Variants in DDX19A observed in about 807,000 individuals in gnomAD.
DDX19A encodes the protein ATP-dependent RNA helicase DDX19A.
DDX19A carries 12 observed loss-of-function variants against 60.6 expected under a neutral mutation model. The observed-to-expected ratio is 0.20, with a 90% CI of 0.13 to 0.32. DDX19A has a LOEUF of 0.32. Among genes scored for constraint, DDX19A ranks in the 10% least tolerant of loss-of-function variants. The pLI is 1.00. For synonymous variants in DDX19A, 206 were observed against 218.2 expected, an observed-to-expected ratio of 0.94 and a Z score of 0.49; for missense variants, 337 against 600.6, an observed-to-expected ratio of 0.56 and a Z score of 4.59.
At chr16:70,367,641 G>A (rs958715289) in intron 9 of DDX19A, among the ~76,000 whole-genome samples, 1 of 152,190 alleles carries the variant, frequency 6.6e-6, no homozygotes, top group Non-Finnish European at 1.5e-5. Context: ...ACTTTGGCAG[G>A]CCGAGACAGG....
chr16:70,356,777 G>T, intron 4 of DDX19A: 1 of 797,168 alleles, frequency 1.3e-6, no homozygotes, highest in Non-Finnish European at 1.7e-6. Context: ...CTGTTCTCTT[G>T]GTAGGAATTT....
intron 7 of DDX19A, chr16:70,365,746 CTCTAG>C (rs1168164744): frequency 2.7e-5 from 10 of 372,626 alleles, no homozygotes; most frequent in Non-Finnish European, 5.1e-5. Context: ...TGTCACCGCA[CTCTAG>C]TCTGGGCAAC....
At chr16:70,347,184 C>A (rs753031907) in intron 1 of DDX19A, 136 bp downstream of exon 1, 11 of 826,422 alleles carry the variant, frequency 1.3e-5, no homozygotes, top group South Asian at 8.8e-5. Context: ...GTCACTTGCC[C>A]TTGATTTGCT....
chr16:70,356,907 GT>G (rs1195857789), intron 4 of DDX19A: 2 of 1,252,790 alleles, frequency 1.6e-6, no homozygotes, highest in Non-Finnish European at 2.1e-6. Flanking sequence ...TTCTGATTAG[GT>G]AAGCCCTTAA....
Position 70,364,994 on chromosome 16 carries a change from A to C in DDX19A, c.490-23A>C, listed in dbSNP as rs779811698. ...GTTACCAAATGGCTCTCCTAAACTCATCCTTTATGATTTTTCTGTCAGTGT... is the reference window on the plus strand; with the variant it reads ...GTTACCAAATGGCTCTCCTAAACTCCTCCTTTATGATTTTTCTGTCAGTGT... On this transcript the variant is annotated intron_variant, in intron 6 of 11. Coordinates refer to ENST00000302243, the MANE Select transcript of DDX19A (RefSeq NM_018332.5). 3 of 1,599,766 alleles carry C rather than the reference A, an allele frequency of 1.9e-6. No homozygotes were observed. The South Asian group carries it at 3.3e-5, about 18-fold the overall frequency.
Position 70,372,274 on chromosome 16 carries a change from A to G in DDX19A, c.*288A>G, listed in dbSNP as rs2047285896. ...GGTCACAGTGGTAGTCGCTGGCCCC[A>G]GGACCCCCTCCTGATTTTGGCTAGG... On this transcript the variant is annotated 3_prime_UTR_variant, in exon 12 of 12. Transcript: ENST00000302243. 1 of 503,804 alleles carries G rather than the reference A, an allele frequency of 2.0e-6. No homozygotes were observed. The highest frequency in any genetic ancestry group is 2.3e-5 in the South Asian group (1 of 44,238). The allele number at this position is 503,804 out of a possible 1,614,324, so 31.2% of individuals were successfully genotyped here.
chr16:70,357,380 T>TG (rs1964243338), intron 4 of DDX19A, among the ~76,000 whole-genome samples: 1 of 86,730 alleles, frequency 1.2e-5, no homozygotes, highest in Non-Finnish European at 2.3e-5. Flanking sequence ...TTTTTTTTTT[T>TG]TTTTTTTTTT....
chr16:70,369,296 C>G (rs987773684), intron 9 of DDX19A, among the ~76,000 whole-genome samples: 1 of 150,786 alleles, frequency 6.6e-6, no homozygotes, highest in African/African-American at 2.4e-5. Flanking sequence ...TCTCCTCCCT[C>G]GGCTTCCTGA....
chr16:70,358,266 A>G (rs1414742322), intron 4 of DDX19A, among the ~76,000 whole-genome samples: 1 of 151,982 alleles, frequency 6.6e-6, no homozygotes, highest in East Asian at 1.9e-4. Context: ...CCTGGCCTCA[A>G]GCGATCTGCC....
At chr16:70,368,271 T>C (rs1335859445) in intron 9 of DDX19A, among the ~76,000 whole-genome samples, 1 of 151,934 alleles carries the variant, frequency 6.6e-6, no homozygotes, top group Non-Finnish European at 1.5e-5. Flanking sequence ...GTGCCAAAAG[T>C]ATTCTTTTTT....
chr16:70,354,065 C>T (rs1047190218), intron 2 of DDX19A, among the ~76,000 whole-genome samples: 28 of 151,820 alleles, frequency 1.8e-4, no homozygotes, highest in Admixed American at 1.8e-3. Flanking sequence ...TGCTATGTTG[C>T]CCAGGCTGAC....
intron 6 of DDX19A, 50 bp from the exon 7 acceptor site, chr16:70,364,967 C>A: frequency 6.8e-7 from 1 of 1,475,472 alleles, no homozygotes; most frequent in Non-Finnish European, 9.5e-7. Context: ...GCCTTCAGGT[C>A]TGTTACCAAA....
intron 7 of DDX19A, chr16:70,365,719 G>T (rs1964499728): frequency 6.1e-6 from 2 of 328,226 alleles, no homozygotes; most frequent in South Asian, 5.6e-5. Flanking sequence ...GGTCAAAGCT[G>T]CAGTGAGCCA....
intron 6 of DDX19A, 59 bp downstream of exon 6, chr16:70,364,704 C>G: frequency 7.7e-7 from 1 of 1,291,556 alleles, no homozygotes; most frequent in Non-Finnish European, 1.1e-6. Context: ...GCAGTGCCAT[C>G]TGGTGAGGAG....
chr16:70,370,401 G>T lies in DDX19A; in HGVS notation c.1183+16G>T. The stretch of plus-strand genomic sequence containing the variant: ...TGTGCCCGCGGTGAGCAGAGGACGT[G>T]TCCCACCTGGTCTGCCAGGCTCGGG... On this transcript the variant is annotated intron_variant, in intron 10 of 11. Transcript: ENST00000302243. 1.2e-6 allele frequency: 2 copies of T among 1,602,692 alleles called. No homozygotes were observed. Among genetic ancestry groups the T allele is most frequent in the Non-Finnish European group, 1.7e-6 (2 of 1,174,824 alleles).
intron 6 of DDX19A, 153 bp downstream of exon 6, chr16:70,364,798 T>A: frequency 1.5e-6 from 1 of 685,710 alleles, no homozygotes. Context: ...CCTGGGAGAA[T>A]GTGCTTGAAA....
At position 70,360,002 on chromosome 16, in the gene DDX19A, C is replaced by T. The variant is rs185589317; in HGVS notation, c.294-1416C>T. On this transcript the variant is annotated intron_variant, in intron 4 of 11. Transcript: ENST00000302243. The stretch of plus-strand genomic sequence containing the variant: ...TTCATCAATTTTCTTTTTTTATGGC[C>T]GGGCGCTACAGCTCACGCCTGTAAT... 8.6e-5 allele frequency among the ~76,000 whole-genome samples: 13 copies of T among 151,968 alleles called. No homozygotes were observed. In the East Asian group the frequency reaches 1.4e-3, roughly 16 times the overall value.
At chr16:70,359,035 G>A (rs531504502) in intron 4 of DDX19A, among the ~76,000 whole-genome samples, 122 of 152,222 alleles carry the variant, frequency 8.0e-4, no homozygotes, top group African/African-American at 2.9e-3. Context: ...TTTAGAAGAC[G>A]TGAGCTCTCA....
intron 2 of DDX19A, among the ~76,000 whole-genome samples, chr16:70,353,007 G>C (rs890884646): frequency 1.3e-5 from 2 of 152,034 alleles, no homozygotes; most frequent in South Asian, 4.1e-4. Context: ...TATAAATAAT[G>C]CTTCATGAAA....
Sources: gnomAD v4.1 joint callset for allele counts (sites outside exome capture counted in the v4.1 genomes callset) on GRCh38, gnomAD v4.1.1 for gene constraint, MANE v1.5 for transcripts, NCBI Gene and HGNC (gene_info 2026-07-23, HGNC 2026-07-21) for gene names.